Variants in SLC35F4 observed in about 807,000 individuals in gnomAD.
SLC35F4 encodes the protein chromosome 14 open reading frame 36.
In SLC35F4, 24 loss-of-function variants were observed where a neutral mutation model predicts 44.2. The observed-to-expected ratio is 0.54, with a 90% CI of 0.39 to 0.76. The LOEUF (loss-of-function observed/expected upper bound fraction) is 0.76, where lower values mean the gene tolerates loss of function less well. Among genes scored for constraint, SLC35F4 ranks in the 30% least tolerant of loss-of-function variants. The pLI is 0.00. For synonymous variants in SLC35F4, 238 were observed against 223.6 expected, an observed-to-expected ratio of 1.06 and a Z score of -0.57; for missense variants, 562 against 586.1, an observed-to-expected ratio of 0.96 and a Z score of 0.42.
intron 4 of SLC35F4, among the ~76,000 whole-genome samples, chr14:57,577,531 TAA>T (rs775666482): frequency 3.9e-5 from 6 of 152,072 alleles, no homozygotes; most frequent in South Asian, 2.1e-4. Context: ...TATAAAAAAA[TAA>T]GAGAGGGACA....
chr14:57,647,440 T>C (rs1046114683), intron 1 of SLC35F4, among the ~76,000 whole-genome samples: 7 of 152,036 alleles, frequency 4.6e-5, no homozygotes, highest in African/African-American at 1.7e-4. Context: ...AAAATAAAAA[T>C]TTGTTTTAGA....
In SLC35F4 at chr14:57,846,802, CA is replaced by C. The variant is rs1338707518; in HGVS notation, c.103+18920del. Among the ~76,000 whole-genome samples, 9 of 152,176 alleles carry C rather than the reference CA, an allele frequency of 5.9e-5. No individual in the cohort carries two copies. The East Asian group carries it at 9.6e-4, about 16-fold the overall frequency. ...TGCATCAGAGTGAGATTAAATGTGT[CA>C]GGGGGTTTCAGAGAGTTAGTGAGAG... On this transcript the variant is annotated intron_variant, in intron 1 of 7. Transcript: ENST00000556826.
chr14:57,965,364 C>A (rs1890418899), intron 1 of SLC35F4, among the ~76,000 whole-genome samples: 2 of 152,046 alleles, frequency 1.3e-5, no homozygotes, highest in African/African-American at 4.8e-5. Context: ...TTTTAAGGAC[C>A]TCTTGGTGAT....
At chr14:57,873,075 C>T (rs573682328) in intron 1 of SLC35F4, among the ~76,000 whole-genome samples, 24 of 152,220 alleles carry the variant, frequency 1.6e-4, no homozygotes, top group African/African-American at 4.8e-4. Context: ...TTCCATTGTC[C>T]GTTTCAGTGA....
intron 1 of SLC35F4, among the ~76,000 whole-genome samples, chr14:57,659,764 G>A (rs531569779): frequency 1.4e-4 from 22 of 152,266 alleles, no homozygotes; most frequent in Admixed American, 8.5e-4. Context: ...TAAAAATGAC[G>A]TGAGGACAAA....
chr14:57,682,714 G>C (rs1191273094), intron 1 of SLC35F4, among the ~76,000 whole-genome samples: 4 of 151,760 alleles, frequency 2.6e-5, no homozygotes, highest in African/African-American at 9.7e-5. Flanking sequence ...ACCCAGTGTT[G>C]GTGTGGATAT....
At chr14:57,926,518 G>A (rs983309513) in intron 1 of SLC35F4, among the ~76,000 whole-genome samples, 5 of 152,084 alleles carry the variant, frequency 3.3e-5, no homozygotes, top group Admixed American at 6.5e-5. Context: ...GAGGAGTAAG[G>A]CAGTGATAAA....
intron 1 of SLC35F4, among the ~76,000 whole-genome samples, chr14:57,759,269 A>G (rs919046804): frequency 6.6e-6 from 1 of 152,120 alleles, no homozygotes; most frequent in Admixed American, 6.6e-5. Flanking sequence ...GCTGGATCAT[A>G]TGGTAGTTCT....
chr14:57,767,374 CA>C (rs2077260610), intron 1 of SLC35F4, among the ~76,000 whole-genome samples: 1 of 152,018 alleles, frequency 6.6e-6, no homozygotes, highest in South Asian at 2.1e-4. Context: ...TTTTTCTGAT[CA>C]AACTAGAAAT....
chr14:57,588,662 G>A (rs1291114004), intron 3 of SLC35F4, among the ~76,000 whole-genome samples: 2 of 152,196 alleles, frequency 1.3e-5, no homozygotes, highest in African/African-American at 2.4e-5. Context: ...CATCTAGGCA[G>A]CAAAGAGTGG....
At chr14:57,976,160 A>G (rs1471274799), downstream of SLC35F4, among the ~76,000 whole-genome samples, 1 of 152,194 alleles carries the variant, frequency 6.6e-6, no homozygotes, top group African/African-American at 2.4e-5. Flanking sequence ...TTAGGAAGGA[A>G]CCTACAGCAA....
intron 3 of SLC35F4, among the ~76,000 whole-genome samples, chr14:57,581,655 T>C (rs2069271503): frequency 6.6e-6 from 1 of 152,246 alleles, no homozygotes; most frequent in South Asian, 2.1e-4. Flanking sequence ...TAGGCTCTCT[T>C]CTCTGAGATA....
At chr14:57,648,131 T>G (rs1241782173) in intron 1 of SLC35F4, among the ~76,000 whole-genome samples, 3 of 152,184 alleles carry the variant, frequency 2.0e-5, no homozygotes, top group Non-Finnish European at 2.9e-5. Flanking sequence ...TAGCATCAGA[T>G]ATTATACCTC....
intron 1 of SLC35F4, among the ~76,000 whole-genome samples, chr14:57,614,168 T>C (rs1302420574): frequency 6.8e-6 from 1 of 147,562 alleles, no homozygotes; most frequent in Non-Finnish European, 1.5e-5. Flanking sequence ...ACATTTGCAG[T>C]GGGGAAACAC....
chr14:57,670,086 C>T (rs952038166), intron 1 of SLC35F4, among the ~76,000 whole-genome samples: 19 of 152,194 alleles, frequency 1.2e-4, no homozygotes, highest in Non-Finnish European at 1.9e-4. Context: ...GGAATTTATC[C>T]ATTTCTTCTG....
chr14:57,575,251 G>A (rs2068721613), intron 4 of SLC35F4, among the ~76,000 whole-genome samples: 1 of 152,206 alleles, frequency 6.6e-6, no homozygotes, highest in Admixed American at 6.5e-5. Flanking sequence ...GCCCAGGTGG[G>A]TGGATCACTT....
At chr14:57,602,665 G>A (rs1347827232) in intron 1 of SLC35F4, 1 of 152,136 alleles carries the variant, frequency 6.6e-6, no homozygotes, top group African/African-American at 2.4e-5. Context: ...ATGACCTTGT[G>A]CAATGCAACT....
intron 1 of SLC35F4, among the ~76,000 whole-genome samples, chr14:57,816,036 C>CTA (rs1223768164): frequency 6.6e-6 from 1 of 152,044 alleles, no homozygotes; most frequent in Non-Finnish European, 1.5e-5. Context: ...GGGGTCTGGC[C>CTA]TAAAGCAGGG....
intron 1 of SLC35F4, among the ~76,000 whole-genome samples, chr14:57,920,969 C>T (rs1030008938): frequency 5.9e-5 from 9 of 152,190 alleles, no homozygotes; most frequent in East Asian, 5.8e-4. Context: ...ATGAAACATA[C>T]GTACACATCA....
Sources: allele counts gnomAD v4.1 joint callset (sites outside exome capture counted in the v4.1 genomes callset), GRCh38; gene constraint gnomAD v4.1.1; transcripts MANE v1.5; gene names NCBI Gene and HGNC (gene_info 2026-07-23, HGNC 2026-07-21).